Variants in NQO1 observed in about 807,000 individuals in gnomAD.
The protein encoded by NQO1 is NAD(P)H quinone dehydrogenase 1, also known as NAD(P)H dehydrogenase [quinone] 1.
In NQO1, 30 loss-of-function variants were observed where a neutral mutation model predicts 32.1. That is an observed-to-expected ratio of 0.94 (90% CI 0.70 to 1.27). NQO1 has a LOEUF of 1.27. Ranked by LOEUF, NQO1 falls within the 50% of genes most tolerant of loss-of-function variation. The pLI, the probability that NQO1 is intolerant of heterozygous loss-of-function variation, is 0.00. For synonymous variants in NQO1, 109 were observed against 119.7 expected, an observed-to-expected ratio of 0.91 and a Z score of 0.59; for missense variants, 276 against 331.3, an observed-to-expected ratio of 0.83 and a Z score of 1.30.
At chr16:69,715,532 C>T (rs943428410) in intron 3 of NQO1, among the ~76,000 whole-genome samples, 6 of 152,214 alleles carry the variant, frequency 3.9e-5, no homozygotes, top group Non-Finnish European at 8.8e-5. Flanking sequence ...CTTTGGGAGG[C>T]CAAGGCGGGT....
At chr16:69,725,027 A>ACT (rs2038242321) in intron 1 of NQO1, among the ~76,000 whole-genome samples, 2 of 152,142 alleles carry the variant, frequency 1.3e-5, no homozygotes, top group East Asian at 3.8e-4. Context: ...ATTGGAGGAG[A>ACT]GGGTGCCAGT....
chr16:69,718,623 G>A (rs2038149211), intron 1 of NQO1, 89 bp from the exon 2 acceptor site: 1 of 1,397,152 alleles, frequency 7.2e-7, no homozygotes, highest in African/African-American at 1.4e-5. Context: ...TGTAAAGGAG[G>A]GGGCGGCTTT....
intron 4 of NQO1, among the ~76,000 whole-genome samples, chr16:69,713,601 T>C (rs2038069708): frequency 6.6e-6 from 1 of 152,220 alleles, no homozygotes. Flanking sequence ...GAGAAAATAG[T>C]GCTGCATCTA....
At chr16:69,715,327 GA>G (rs2038099551) in intron 3 of NQO1, among the ~76,000 whole-genome samples, 1 of 152,256 alleles carries the variant, frequency 6.6e-6, no homozygotes, top group Non-Finnish European at 1.5e-5. Context: ...TAGATACACA[GA>G]AGACTTGTTG....
At chr16:69,721,605 T>G (rs1345613351) in intron 1 of NQO1, among the ~76,000 whole-genome samples, 1 of 151,920 alleles carries the variant, frequency 6.6e-6, no homozygotes, top group Non-Finnish European at 1.5e-5. Context: ...ATACCATGAG[T>G]AGCCCCATGT....
At chr16:69,717,874 G>A (rs1481126144) in intron 3 of NQO1, 3 of 430,616 alleles carry the variant, frequency 7.0e-6, no homozygotes, top group Non-Finnish European at 1.3e-5. Context: ...GCCTCCCAAA[G>A]TGCTGGGATT....
Position 69,715,052 on chromosome 16 carries a change from G to T in NQO1, c.329C>A (p.Pro110His). ...CTCAAACCAGCCTTTCAGAATGGCA[G>T]GGACTCCAAACCACTGCAGGGGGAA... The part of the protein sequence containing the change: ...FQFPLQWFGV[P>H]AILKGWFERV... The change falls in exon 4 of 6, where the codon CCT becomes CAT. Residue 110 changes from proline (P) to histidine (H), a missense_variant. Physicochemically the swap from Pro to His is moderately conservative, Grantham distance 77. Coordinates refer to ENST00000320623, the MANE Select transcript of NQO1 (RefSeq NM_000903.3). The T allele has an allele frequency of 6.2e-7, 1 of 1,613,696 alleles. No homozygotes were observed. Among genetic ancestry groups the T allele is most frequent in the South Asian group, 1.1e-5 (1 of 91,068 alleles).
Position 69,726,487 on chromosome 16 carries a change from G to C in NQO1, c.-48C>G. The stretch of plus-strand genomic sequence containing the variant: ...CTGATTGGCTGGGCTCGTGGTTGCC[G>C]GGGCGACCCTGGCCGGAACTAGGCT... On this transcript the variant is annotated 5_prime_UTR_variant, in exon 1 of 6. Transcript: ENST00000320623. The C allele has an allele frequency of 6.2e-7, 1 of 1,600,470 alleles. No individual in the cohort carries two copies. Among genetic ancestry groups the C allele is most frequent in the Non-Finnish European group, 8.5e-7 (1 of 1,177,116 alleles).
In NQO1 at chr16:69,711,251, C is replaced by G. The variant is rs905127572; in HGVS notation, c.550G>C (p.Val184Leu). Residue 184 changes from valine (V) to leucine (L), a missense_variant, in exon 6 of 6, where the codon GTC becomes CTC. By Grantham distance (32) the Val-to-Leu change is conservative. Transcript: ENST00000320623. ...CTATATGTCAGTTGAGGTTCTAAGA[C>G]TTGGAAGCCACAGAAATGCAGAATG... ...SGILHFCGFQVLEPQLTYSIG... is the reference protein window; with the variant it reads ...SGILHFCGFQLLEPQLTYSIG... 4 of 1,609,524 alleles carry G rather than the reference C, an allele frequency of 2.5e-6. No individual in the cohort carries two copies. Among genetic ancestry groups the G allele is most frequent in the Non-Finnish European group, 2.6e-6 (3 of 1,176,326 alleles).
intron 1 of NQO1, among the ~76,000 whole-genome samples, chr16:69,720,988 C>T (rs888771926): frequency 1.3e-5 from 2 of 152,006 alleles, no homozygotes; most frequent in African/African-American, 4.8e-5. Context: ...TCAAGCTATC[C>T]TCCCACCTCA....
At chr16:69,725,486 G>T (rs917019778) in intron 1 of NQO1, among the ~76,000 whole-genome samples, 1 of 152,178 alleles carries the variant, frequency 6.6e-6, no homozygotes, top group Non-Finnish European at 1.5e-5. Context: ...GTCGATGGCC[G>T]AGTGGGAAGG....
chr16:69,715,982 C>G (rs993687215), intron 3 of NQO1, among the ~76,000 whole-genome samples: 3 of 151,674 alleles, frequency 2.0e-5, no homozygotes, highest in Non-Finnish European at 2.9e-5. Flanking sequence ...GCCTGGGCAA[C>G]AAAGTGAGAC....
intron 1 of NQO1, among the ~76,000 whole-genome samples, chr16:69,718,894 G>A (rs1231529165): frequency 2.0e-5 from 3 of 152,086 alleles, no homozygotes; most frequent in Non-Finnish European, 4.4e-5. Context: ...AATTAGCTGG[G>A]TGTGGTGGCA....
chr16:69,711,424 C>T (rs1597594881), intron 5 of NQO1, 143 bp from the exon 6 acceptor site: 6 of 686,916 alleles, frequency 8.7e-6, no homozygotes, highest in East Asian at 7.6e-5. Flanking sequence ...TCAGAGCTAG[C>T]GTCTCTCTCT....
At chr16:69,719,942 G>A (rs2038167304) in intron 1 of NQO1, among the ~76,000 whole-genome samples, 1 of 151,960 alleles carries the variant, frequency 6.6e-6, no homozygotes, top group African/African-American at 2.4e-5. Context: ...GTGACACCTT[G>A]TCATAAAAAA....
chr16:69,713,663 A>G (rs1294589448), intron 4 of NQO1, among the ~76,000 whole-genome samples: 3 of 151,840 alleles, frequency 2.0e-5, no homozygotes, highest in African/African-American at 4.8e-5. Flanking sequence ...AGCTCGACCC[A>G]TGACCCCCTT....
Position 69,709,681 on chromosome 16 carries a change from C to T in NQO1, c.*1295G>A, listed in dbSNP as rs1010767751. ...TCATTTCTCATCTCTTCTTTCAATG[C>T]ACCACAAGAGGGCAGTGTTTTATCA... On this transcript the variant is annotated 3_prime_UTR_variant, in exon 6 of 6. Transcript: ENST00000320623. 10 of 397,372 alleles carry T rather than the reference C, an allele frequency of 2.5e-5. No individual in the cohort carries two copies. The highest frequency in any genetic ancestry group is 1.6e-4 in the African/African-American group (8 of 48,584). 24.6% of individuals were successfully genotyped at this position (397,372 alleles called of 1,614,324 possible).
chr16:69,723,102 T>C (rs143608168), intron 1 of NQO1, among the ~76,000 whole-genome samples: 9,253 of 152,220 alleles, frequency 0.061, 318 homozygotes, highest in Middle Eastern at 0.12. Context: ...TAATTGTATT[T>C]TTAGTAGAGA....
At chr16:69,722,794 T>C (rs952923254) in intron 1 of NQO1, among the ~76,000 whole-genome samples, 2 of 152,144 alleles carry the variant, frequency 1.3e-5, no homozygotes, top group African/African-American at 4.8e-5. Flanking sequence ...CTCAACAAAT[T>C]CCTACCTCTT....
Sources: allele counts gnomAD v4.1 joint callset (sites outside exome capture counted in the v4.1 genomes callset), GRCh38; gene constraint gnomAD v4.1.1; transcripts MANE v1.5; gene names NCBI Gene and HGNC (gene_info 2026-07-23, HGNC 2026-07-21).